GAK: variants seen among roughly 807,000 people sequenced by gnomAD.
The protein encoded by GAK is cyclin-G-associated kinase.
In GAK, 79 loss-of-function variants were observed where a neutral mutation model predicts 143.9. The ratio of observed to expected loss-of-function variants is 0.55; its 90% CI spans 0.46 to 0.66. GAK has a LOEUF of 0.66. Among genes scored for constraint, GAK ranks in the 30% least tolerant of loss-of-function variants. The pLI is 0.00. For missense variants in GAK, 1,693 were observed against 1,779.7 expected (o/e 0.95, Z 0.88); for synonymous variants, 881 against 765.5 (o/e 1.15, Z -2.49).
At chr4:876,658 C>A (rs768547922) in intron 17 of GAK, 49 bp from the exon 18 acceptor site, 2 of 1,558,592 alleles carry the variant, frequency 1.3e-6, no homozygotes, top group Non-Finnish European at 8.8e-7. Flanking sequence ...GAATCCAGAT[C>A]CTGGGGCCAC....
In GAK at chr4:907,618, G is replaced by A. The variant is rs191532851; in HGVS notation, c.383-2839C>T. On this transcript the variant is annotated intron_variant, in intron 4 of 27. Coordinates refer to ENST00000314167, the MANE Select transcript of GAK (RefSeq NM_005255.4). Reference sequence around the variant, plus strand: ...TCTGTATGTGGCTGAGTGGGGAACCGGTATGTGGCTCTTCCCTCAGAGGAC... The same window carrying A: ...TCTGTATGTGGCTGAGTGGGGAACCAGTATGTGGCTCTTCCCTCAGAGGAC... 1.8e-3 allele frequency among the ~76,000 whole-genome samples: 269 copies of A among 152,332 alleles called. 3 individuals are homozygous for A. Among genetic ancestry groups the A allele is most frequent in the Non-Finnish European group, 1.8e-3 (121 of 68,024 alleles).
chr4:857,316 G>A (rs962696676), intron 24 of GAK, among the ~76,000 whole-genome samples: 6 of 152,154 alleles, frequency 3.9e-5, no homozygotes, highest in Non-Finnish European at 8.8e-5. Flanking sequence ...GTATCAGGGT[G>A]ATAGTATGAG....
At chr4:888,708 G>A (rs1717041337) in intron 11 of GAK, 139 bp downstream of exon 11, 2 of 985,072 alleles carry the variant, frequency 2.0e-6, no homozygotes. Flanking sequence ...GGGAGAAGCG[G>A]GTGATGCTGT....
At chr4:876,325 G>T (rs1482641034) in intron 18 of GAK, among the ~76,000 whole-genome samples, 1 of 151,764 alleles carries the variant, frequency 6.6e-6, no homozygotes, top group African/African-American at 2.4e-5. Flanking sequence ...CACACCAACG[G>T]GGGGGCAGAG....
chr4:893,758 T>G (rs1718155809), intron 8 of GAK, 116 bp downstream of exon 8: 10 of 1,254,340 alleles, frequency 8.0e-6, no homozygotes, highest in Non-Finnish European at 1.1e-5. Flanking sequence ...AAAACTATGG[T>G]GACGGGCGGG....
chr4:884,033 A>G lies in GAK; in HGVS notation c.1255+4T>C. On this transcript the variant is annotated splice_donor_region_variant and intron_variant, in intron 12 of 27. Coordinates refer to ENST00000314167, the MANE Select transcript of GAK (RefSeq NM_005255.4). The stretch of plus-strand genomic sequence containing the variant: ...CGTCCCACAGCCTCATGTGGCACGC[A>G]TACCTGCAATTCTGGATGTGATGTA... The G allele has an allele frequency of 6.2e-7, 1 of 1,613,594 alleles. No homozygotes were observed. The highest frequency in any genetic ancestry group is 8.5e-7 in the Non-Finnish European group (1 of 1,179,688).
At chr4:865,299 T>C (rs1329191617) in intron 22 of GAK, 55 bp from the exon 23 acceptor site, 1 of 1,608,476 alleles carries the variant, frequency 6.2e-7, no homozygotes, top group East Asian at 2.2e-5. Flanking sequence ...AGCAGGCAAA[T>C]GTGGCGGGGC....
At chr4:902,528 T>TCGGCCGAGG (rs1280682072) in intron 5 of GAK, among the ~76,000 whole-genome samples, 2 of 134,262 alleles carry the variant, frequency 1.5e-5, no homozygotes, top group Non-Finnish European at 3.1e-5. Context: ...CTGGGCCAAG[T>TCGGCCGAGG]CGGCCGAGGC....
chr4:890,492 G>T, intron 10 of GAK, 40 bp downstream of exon 10: 1 of 1,494,332 alleles, frequency 6.7e-7, no homozygotes, highest in Non-Finnish European at 9.1e-7. Flanking sequence ...GGTGCAGCAG[G>T]AGCGAGGGAC....
At chr4:873,895 C>G (rs1448456936) in intron 18 of GAK, among the ~76,000 whole-genome samples, 1 of 152,228 alleles carries the variant, frequency 6.6e-6, no homozygotes, top group African/African-American at 2.4e-5. Flanking sequence ...AATGGGATGA[C>G]TGACAGGCAC....
At chr4:913,247 T>A (rs1001247078) in intron 2 of GAK, among the ~76,000 whole-genome samples, 1 of 152,232 alleles carries the variant, frequency 6.6e-6, no homozygotes, top group African/African-American at 2.4e-5. Context: ...GTGACCCCTA[T>A]TTACAGAAAT....
At position 851,769 on chromosome 4, in the gene GAK, C is replaced by A. The variant is rs776792019; in HGVS notation, c.3489G>T (p.Gly1163=). The A allele has an allele frequency of 1.2e-6, 2 of 1,613,326 alleles. No individual in the cohort carries two copies. The highest frequency in any genetic ancestry group is 8.5e-7 in the Non-Finnish European group (1 of 1,179,830). The change falls in exon 25 of 28, where the codon GGG becomes GGT. Residue 1163 remains glycine (G), a synonymous_variant. Transcript: ENST00000314167. ...FSVIGAREER[G]VRAPSFAQKP... ...ACTCACCAAAGCTGGGTGCGCGGACCCCCCGCTCCTCCCGCGCCCCGATCA... is the reference window on the plus strand; with the variant it reads ...ACTCACCAAAGCTGGGTGCGCGGACACCCCGCTCCTCCCGCGCCCCGATCA...
chr4:883,931 G>A, intron 12 of GAK, 106 bp downstream of exon 12: 7 of 1,137,108 alleles, frequency 6.2e-6, no homozygotes, highest in Non-Finnish European at 8.9e-6. Flanking sequence ...TGTGGCCACA[G>A]AGAAGGCTGG....
At chr4:881,025 G>A (rs886778476) in intron 15 of GAK, among the ~76,000 whole-genome samples, 12 of 152,320 alleles carry the variant, frequency 7.9e-5, no homozygotes, top group African/African-American at 2.9e-4. Flanking sequence ...GGATGGGGCG[G>A]CAATGATCTC....
Position 867,400 on chromosome 4 carries a change from C to A in GAK, c.2428G>T (p.Ala810Ser), listed in dbSNP as rs550461254. Reference sequence around the variant, plus strand: ...GCAGACTCGCTCTCCTTGGAAGAGGCATTTTCTGCACCAGTCTCTGCCTCC... The same window carrying A: ...GCAGACTCGCTCTCCTTGGAAGAGGAATTTTCTGCACCAGTCTCTGCCTCC... ...EKEAETGAEN[A>S]SSKESESALM... The change falls in exon 21 of 28, where the codon GCC (alanine) becomes TCC (serine). Residue 810 changes from alanine to serine, a missense_variant. By Grantham distance (99) the Ala-to-Ser change is moderately conservative. Transcript: ENST00000314167. The A allele has an allele frequency of 3.9e-6, 6 of 1,543,940 alleles. No individual in the cohort carries two copies. In the South Asian group the frequency reaches 6.2e-5, roughly 16 times the overall value.
rs530247255 is a variant in GAK at position 902,514 on chromosome 4, T to A, written c.525+2123A>T. Among the ~76,000 whole-genome samples the A allele has an allele frequency of 2.1e-5, 3 of 140,512 alleles. No individual in the cohort carries two copies. In the East Asian group the frequency reaches 6.4e-4, roughly 30 times the overall value. 92.2% of individuals were successfully genotyped at this position (140,512 alleles called of 152,430 possible). A position where few individuals can be genotyped will look rare whatever the true frequency, so the allele number is the denominator to read the frequency against. On this transcript the variant is annotated intron_variant, in intron 5 of 27. Transcript: ENST00000314167. ...CTACTCAGGAGGCTCAGGTGGGAGATCACCTGGGCCAAGTCGGCCGAGGCG... is the reference window on the plus strand; with the variant it reads ...CTACTCAGGAGGCTCAGGTGGGAGAACACCTGGGCCAAGTCGGCCGAGGCG...
intron 1 of GAK, among the ~76,000 whole-genome samples, chr4:920,167 G>C (rs191319812): frequency 1.7e-3 from 259 of 152,004 alleles, no homozygotes; most frequent in African/African-American, 6.1e-3. Context: ...AATTAGCCCG[G>C]TATGGTGGCG....
intron 11 of GAK, 45 bp downstream of exon 11, chr4:888,802 G>T (rs570789899): frequency 5.5e-5 from 87 of 1,572,206 alleles, no homozygotes; most frequent in Admixed American, 4.2e-4. Context: ...CTGCAGCCTG[G>T]AACGAGCGTG....
intron 1 of GAK, among the ~76,000 whole-genome samples, chr4:926,042 T>A (rs1034136896): frequency 6.6e-6 from 1 of 151,502 alleles, no homozygotes; most frequent in African/African-American, 2.4e-5. Flanking sequence ...TCCCCGAACG[T>A]CTAATTCACC....
Sources: allele counts gnomAD v4.1 joint callset (sites outside exome capture counted in the v4.1 genomes callset), GRCh38; gene constraint gnomAD v4.1.1; transcripts MANE v1.5; gene names NCBI Gene and HGNC (gene_info 2026-07-23, HGNC 2026-07-21).